UGT2A2: variants seen among roughly 807,000 people sequenced by gnomAD.
UGT2A2 encodes the protein UDP glucuronosyltransferase family 2 member A2.
UGT2A2 carries 60 observed loss-of-function variants against 50.7 expected under a neutral mutation model. The ratio of observed to expected loss-of-function variants is 1.18; its 90% CI spans 0.96 to 1.47. The LOEUF (loss-of-function observed/expected upper bound fraction) is 1.47, where lower values mean the gene tolerates loss of function less well. UGT2A2 is among the 40% of genes most tolerant of loss of function. The probability of loss-of-function intolerance (pLI) is 0.00; values close to 1 mark genes in which losing one functional copy is unlikely to be tolerated. For missense variants in UGT2A2, 762 were observed against 634.0 expected, an observed-to-expected ratio of 1.20 and a Z score of -2.17; for synonymous variants, 242 against 214.6, an observed-to-expected ratio of 1.13 and a Z score of -1.11.
intron 4 of UGT2A2, among the ~76,000 whole-genome samples, 167 bp from the exon 5 acceptor site, chr4:69,594,863 G>A (rs1195323742): frequency 2.6e-5 from 4 of 152,118 alleles, no homozygotes; most frequent in Non-Finnish European, 4.4e-5. Flanking sequence ...TGTGATCCCA[G>A]GAAAAGCAGT....
At chr4:69,627,328 T>A (rs1721116407) in intron 1 of UGT2A2, among the ~76,000 whole-genome samples, 1 of 151,870 alleles carries the variant, frequency 6.6e-6, no homozygotes, top group South Asian at 2.1e-4. Flanking sequence ...ATGAGTCTCT[T>A]AACAGCATTA....
rs1318753400 is a variant in UGT2A2, at chr4:69,602,655, T to C, written c.743-3261A>G. On this transcript the variant is annotated intron_variant, in intron 1 of 5. Coordinates refer to ENST00000604629, the MANE Select transcript of UGT2A2 (RefSeq NM_001105677.2). ...GTAAACGAAGATTTAATTTAAAAAC[T>C]AAATTTCCACTGAAAAACTTGGAAT... Among the ~76,000 whole-genome samples the C allele has an allele frequency of 8.0e-5, 11 of 137,580 alleles. 1 individual carries two copies. The highest frequency in any genetic ancestry group is 1.2e-4 in the Non-Finnish European group (8 of 64,524). 90.3% of individuals were successfully genotyped at this position (137,580 alleles called of 152,430 possible). A position where few individuals can be genotyped will look rare whatever the true frequency, so the allele number is the denominator to read the frequency against.
Position 69,636,139 on chromosome 4 carries a change from T to C in UGT2A2, c.742+2760A>G, listed in dbSNP as rs552016075. On this transcript the variant is annotated intron_variant, in intron 1 of 5. Coordinates refer to ENST00000604629, the MANE Select transcript of UGT2A2 (RefSeq NM_001105677.2). The stretch of plus-strand genomic sequence containing the variant: ...TTATTCTGATGTCCTTCAAGACATT[T>C]GGAGTTCTTCTTTGTCACAATTTAA... Among the ~76,000 whole-genome samples the C allele has an allele frequency of 3.9e-5, 6 of 152,336 alleles. No homozygotes were observed. The South Asian group carries it at 1.2e-3, about 32-fold the overall frequency.
chr4:69,595,670 A>C (rs1424137747), intron 3 of UGT2A2, among the ~76,000 whole-genome samples: 4 of 152,184 alleles, frequency 2.6e-5, no homozygotes, highest in African/African-American at 9.6e-5. Context: ...TGTAGAGATA[A>C]AAATTAAGGT....
At chr4:69,606,381 G>A (rs892419751) in intron 1 of UGT2A2, among the ~76,000 whole-genome samples, 2 of 136,456 alleles carry the variant, frequency 1.5e-5, no homozygotes, top group African/African-American at 6.0e-5. Context: ...AACGCTTCAT[G>A]CTAAAAACTC....
intron 5 of UGT2A2, among the ~76,000 whole-genome samples, chr4:69,590,091 T>C (rs1159057113): frequency 1.3e-5 from 2 of 152,188 alleles, no homozygotes; most frequent in Non-Finnish European, 1.5e-5. Flanking sequence ...CAGTCAGCAT[T>C]AGTGAGTCAT....
At chr4:69,635,241 C>T (rs988001539) in intron 1 of UGT2A2, among the ~76,000 whole-genome samples, 2 of 152,050 alleles carry the variant, frequency 1.3e-5, no homozygotes, top group African/African-American at 4.8e-5. Context: ...GAGGGCCCAA[C>T]ATGGTACTGA....
intron 1 of UGT2A2, among the ~76,000 whole-genome samples, chr4:69,624,560 T>A (rs1429401292): frequency 6.6e-6 from 1 of 151,422 alleles, no homozygotes; most frequent in Non-Finnish European, 1.5e-5. Context: ...TATCTTCATG[T>A]TTATTAGTTG....
Position 69,602,031 on chromosome 4 carries a change from A to G in UGT2A2, c.743-2637T>C, listed in dbSNP as rs573195414. Among the ~76,000 whole-genome samples, 27 of 137,522 alleles carry G rather than the reference A, an allele frequency of 2.0e-4. 3 individuals carry two copies. The South Asian group carries it at 6.4e-3, about 33-fold the overall frequency. 90.2% of individuals were successfully genotyped at this position (137,522 alleles called of 152,430 possible). On this transcript the variant is annotated intron_variant, in intron 1 of 5. Coordinates refer to ENST00000604629, the MANE Select transcript of UGT2A2 (RefSeq NM_001105677.2). ...ATAGAAATCAAATTAAAAGTCAATCATACTCAAAAATAGATGCTGTTACAG... is the reference window on the plus strand; with the variant it reads ...ATAGAAATCAAATTAAAAGTCAATCGTACTCAAAAATAGATGCTGTTACAG...
At chr4:69,634,403 T>C (rs1304958868) in intron 1 of UGT2A2, among the ~76,000 whole-genome samples, 1 of 151,918 alleles carries the variant, frequency 6.6e-6, no homozygotes, top group Non-Finnish European at 1.5e-5. Flanking sequence ...GGAAGCAGGG[T>C]ATGAGAATTA....
chr4:69,622,654 G>A (rs761815842), intron 1 of UGT2A2, among the ~76,000 whole-genome samples: 1 of 151,634 alleles, frequency 6.6e-6, no homozygotes, highest in Non-Finnish European at 1.5e-5. Context: ...AGGCTCAAAG[G>A]TGAGGGGGGC....
chr4:69,629,643 G>A (rs1479387204), intron 1 of UGT2A2, among the ~76,000 whole-genome samples: 2 of 151,934 alleles, frequency 1.3e-5, no homozygotes, highest in Admixed American at 6.6e-5. Flanking sequence ...ACTGCATCCC[G>A]TCACCACATA....
chr4:69,635,527 G>A (rs1405189876), intron 1 of UGT2A2, among the ~76,000 whole-genome samples: 1 of 152,140 alleles, frequency 6.6e-6, no homozygotes, highest in East Asian at 1.9e-4. Flanking sequence ...CTTAGAAGTT[G>A]AGGAAGAAAT....
chr4:69,622,703 A>G (rs983713831), intron 1 of UGT2A2, among the ~76,000 whole-genome samples: 1 of 151,756 alleles, frequency 6.6e-6, no homozygotes, highest in African/African-American at 2.4e-5. Context: ...CTTCAATTCT[A>G]TACTTGATGT....
chr4:69,601,530 A>T (rs141930646), intron 1 of UGT2A2, among the ~76,000 whole-genome samples: 1 of 152,008 alleles, frequency 6.6e-6, no homozygotes, highest in Non-Finnish European at 1.5e-5. Context: ...TAATAACACA[A>T]CCCCAAGAAG....
At chr4:69,635,952 T>G (rs2109963853) in intron 1 of UGT2A2, 1 of 151,744 alleles carries the variant, frequency 6.6e-6, no homozygotes, top group South Asian at 2.1e-4. Flanking sequence ...TGGATATGAG[T>G]AGCAGTGATT....
At chr4:69,595,953 A>C (rs1718897051) in intron 3 of UGT2A2, among the ~76,000 whole-genome samples, 1 of 152,208 alleles carries the variant, frequency 6.6e-6, no homozygotes, top group African/African-American at 2.4e-5. Context: ...AGTGGAGAAC[A>C]AAAAATTTCA....
chr4:69,605,530 A>G (rs1298976979), intron 1 of UGT2A2, among the ~76,000 whole-genome samples: 1 of 136,296 alleles, frequency 7.3e-6, no homozygotes, highest in Admixed American at 7.2e-5. Flanking sequence ...GCAAGAGCAT[A>G]ACACATTCAA....
intron 1 of UGT2A2, among the ~76,000 whole-genome samples, chr4:69,608,721 G>A (rs1719838238): frequency 6.6e-6 from 1 of 152,142 alleles, no homozygotes; most frequent in East Asian, 1.9e-4. Flanking sequence ...TAGAGACAGA[G>A]CTTCACTCTT....
Sources: gnomAD v4.1 joint callset for allele counts (sites outside exome capture counted in the v4.1 genomes callset) on GRCh38, gnomAD v4.1.1 for gene constraint, MANE v1.5 for transcripts, NCBI Gene and HGNC (gene_info 2026-07-23, HGNC 2026-07-21) for gene names.